LRRC1: variants seen among roughly 807,000 people sequenced by gnomAD.
LRRC1 encodes the protein leucine-rich repeat-containing protein 1.
LRRC1 carries 28 observed loss-of-function variants against 69.9 expected under a neutral mutation model. The ratio of observed to expected loss-of-function variants is 0.40; its 90% CI spans 0.30 to 0.55. The LOEUF is 0.55. Among genes scored for constraint, LRRC1 ranks in the 20% least tolerant of loss-of-function variants. LRRC1 has a pLI of 0.47. For synonymous variants in LRRC1, 236 were observed against 240.2 expected, an observed-to-expected ratio of 0.98 and a Z score of 0.16; for missense variants, 498 against 609.0, an observed-to-expected ratio of 0.82 and a Z score of 1.92.
At chr6:53,922,532 A>G (rs1768768450) in intron 13 of LRRC1, 103 bp from the exon 14 acceptor site, 4 of 1,058,038 alleles carry the variant, frequency 3.8e-6, no homozygotes, top group Non-Finnish European at 5.4e-6. Context: ...AAGAATTTCT[A>G]AGAAGGTAAC....
intron 8 of LRRC1, among the ~76,000 whole-genome samples, chr6:53,901,872 G>A (rs1014839564): frequency 6.6e-6 from 1 of 152,178 alleles, no homozygotes; most frequent in Non-Finnish European, 1.5e-5. Context: ...TACGCCTTTC[G>A]GTATTTTTCT....
rs1767906809 is a variant in LRRC1, at chr6:53,897,301, C to T, written c.584C>T (p.Ala195Val). ...EIYNLPESIG[A>V]LLHLKDLWLD... ...TTGTTTTAGCCAGAATCAATTGGAG[C>T]CCTCTTACATCTAAAAGATCTCTGG... The change falls in exon 7 of 14, where the codon GCC (alanine) becomes GTC (valine). Residue 195 changes from alanine to valine, a missense_variant. Transcript: ENST00000370888. The T allele has an allele frequency of 1.2e-6, 2 of 1,610,774 alleles. No individual in the cohort carries two copies. The highest frequency in any genetic ancestry group is 1.7e-6 in the Non-Finnish European group (2 of 1,177,788).
intron 1 of LRRC1, among the ~76,000 whole-genome samples, chr6:53,828,801 T>C (rs1209079118): frequency 1.3e-5 from 2 of 152,174 alleles, no homozygotes; most frequent in Admixed American, 1.3e-4. Context: ...TTCTCTGTTT[T>C]TGAAAATGAA....
chr6:53,853,319 C>G (rs1277417917), intron 2 of LRRC1, among the ~76,000 whole-genome samples: 3 of 141,638 alleles, frequency 2.1e-5, no homozygotes, highest in African/African-American at 2.7e-5. Flanking sequence ...AAGTTTCGCT[C>G]TGTTGCCCAG....
intron 2 of LRRC1, among the ~76,000 whole-genome samples, chr6:53,862,846 A>G (rs1766576110): frequency 6.6e-6 from 1 of 152,152 alleles, no homozygotes; most frequent in Admixed American, 6.5e-5. Context: ...CCCCCTGCAC[A>G]CCCGGAACAA....
At chr6:53,913,789 A>T in intron 10 of LRRC1, 65 bp from the exon 11 acceptor site, 1 of 1,000,114 alleles carries the variant, frequency 1.0e-6, no homozygotes, top group Non-Finnish European at 1.6e-6. Flanking sequence ...TAAACAAGGT[A>T]CTCTGATCCT....
chr6:53,859,316 T>C (rs1212463529), intron 2 of LRRC1, among the ~76,000 whole-genome samples: 1 of 152,194 alleles, frequency 6.6e-6, no homozygotes, highest in Non-Finnish European at 1.5e-5. Flanking sequence ...ACCACCTATA[T>C]AGAATTCTTA....
intron 1 of LRRC1, among the ~76,000 whole-genome samples, chr6:53,825,600 C>T (rs1259200102): frequency 2.0e-5 from 3 of 152,116 alleles, no homozygotes; most frequent in Non-Finnish European, 4.4e-5. Flanking sequence ...TAGTGCCTCC[C>T]GGACTTGGCT....
rs183547558 is a variant in LRRC1, at chr6:53,861,621, G to A, written c.278-17372G>A. On this transcript the variant is annotated intron_variant, in intron 2 of 13. Transcript: ENST00000370888. The stretch of plus-strand genomic sequence containing the variant: ...TAAACCTGGATTAGGGATGTGCTTT[G>A]GAAAACAGTGGTGAGACTATTGAGA... Among the ~76,000 whole-genome samples the A allele has an allele frequency of 6.1e-4, 93 of 152,044 alleles. 2 individuals are homozygous for A. The highest frequency in any genetic ancestry group is 2.1e-3 in the African/African-American group (87 of 41,452).
intron 1 of LRRC1, among the ~76,000 whole-genome samples, chr6:53,813,692 CG>C (rs1429928098): frequency 6.6e-6 from 1 of 152,040 alleles, no homozygotes; most frequent in Non-Finnish European, 1.5e-5. Flanking sequence ...TTTGACTCTG[CG>C]GGCTGCCTGT....
chr6:53,876,974 C>A (rs1285246066), intron 2 of LRRC1, among the ~76,000 whole-genome samples: 1 of 152,238 alleles, frequency 6.6e-6, no homozygotes, highest in Admixed American at 6.5e-5. Flanking sequence ...GCTCCAACCC[C>A]TCATTTCCTT....
intron 10 of LRRC1, among the ~76,000 whole-genome samples, chr6:53,907,748 T>C (rs1768286153): frequency 1.3e-5 from 2 of 152,182 alleles, no homozygotes; most frequent in African/African-American, 2.4e-5. Flanking sequence ...TTTTTTTTTT[T>C]TTTAATGACT....
chr6:53,840,387 T>G (rs1230536397), intron 1 of LRRC1, among the ~76,000 whole-genome samples: 2 of 152,194 alleles, frequency 1.3e-5, no homozygotes, highest in African/African-American at 4.8e-5. Flanking sequence ...CCTTTTTCCT[T>G]TATTTCCTGT....
At chr6:53,827,627 TGGTGCCAGAACATGG>T (rs922369965) in intron 1 of LRRC1, among the ~76,000 whole-genome samples, 7 of 152,154 alleles carry the variant, frequency 4.6e-5, no homozygotes, top group African/African-American at 1.2e-4. Context: ...AATGATTCAC[TGGTGCCAGAACATGG>T]GGTGCATGGG....
chr6:53,893,920 A>G (rs181301854), intron 4 of LRRC1, among the ~76,000 whole-genome samples: 1 of 152,288 alleles, frequency 6.6e-6, no homozygotes, highest in East Asian at 1.9e-4. Flanking sequence ...TTGTTTGCTT[A>G]TAGTAACTGT....
At chr6:53,907,159 A>G (rs534931627) in intron 10 of LRRC1, among the ~76,000 whole-genome samples, 4 of 152,212 alleles carry the variant, frequency 2.6e-5, no homozygotes, top group Non-Finnish European at 5.9e-5. Flanking sequence ...GCTTGATGCC[A>G]TTTGATCAAA....
rs1768781322 is a variant in LRRC1, at chr6:53,922,870, C to G, written c.*77C>G. 17 of 1,445,470 alleles carry G rather than the reference C, an allele frequency of 1.2e-5. No individual in the cohort carries two copies. Among genetic ancestry groups the G allele is most frequent in the Admixed American group, 1.8e-5 (1 of 56,716 alleles). 89.5% of individuals were successfully genotyped at this position (1,445,470 alleles called of 1,614,324 possible). The stretch of plus-strand genomic sequence containing the variant: ...TCCTGTCTGCTTCCCGGGAGCCTCA[C>G]GTGCTCCTTGTCCTAACCAGCCCCC... On this transcript the variant is annotated 3_prime_UTR_variant, in exon 14 of 14. Coordinates refer to ENST00000370888, the MANE Select transcript of LRRC1 (RefSeq NM_018214.5).
At chr6:53,859,143 C>T (rs1407460348) in intron 2 of LRRC1, among the ~76,000 whole-genome samples, 1 of 152,068 alleles carries the variant, frequency 6.6e-6, no homozygotes, top group Admixed American at 6.5e-5. Context: ...AAAGCTGCCT[C>T]TGTAGGTTTG....
chr6:53,861,297 T>C lies in LRRC1; in HGVS notation c.278-17696T>C, dbSNP rs528983812. ...ATGTCCTTGAACAATGCCCGAGTCC[T>C]ACCCCAGGCTGACTTTTCCAATTCT... On this transcript the variant is annotated intron_variant, in intron 2 of 13. Transcript: ENST00000370888. Among the ~76,000 whole-genome samples the C allele has an allele frequency of 1.2e-4, 18 of 152,054 alleles. No homozygotes were observed. The South Asian group carries it at 3.8e-3, about 32-fold the overall frequency.
Sources: gnomAD v4.1 joint callset for allele counts (sites outside exome capture counted in the v4.1 genomes callset) on GRCh38, gnomAD v4.1.1 for gene constraint, MANE v1.5 for transcripts, NCBI Gene and HGNC (gene_info 2026-07-23, HGNC 2026-07-21) for gene names.